Variants in GRAMD1B observed in about 807,000 individuals in gnomAD.
GRAMD1B encodes the protein GRAM domain containing 1B.
A neutral mutation model predicts 99.7 loss-of-function variants in GRAMD1B; 37 were observed. The observed-to-expected ratio is 0.37, with a 90% CI of 0.29 to 0.49. GRAMD1B has a LOEUF of 0.49. Among genes scored for constraint, GRAMD1B ranks in the 20% least tolerant of loss-of-function variants. The pLI is 0.98. For synonymous variants in GRAMD1B, 427 were observed against 387.6 expected, an observed-to-expected ratio of 1.10 and a Z score of -1.19; for missense variants, 888 against 1,009.2, an observed-to-expected ratio of 0.88 and a Z score of 1.63.
chr11:123,580,243 C>T (rs1949200987), intron 3 of GRAMD1B, among the ~76,000 whole-genome samples: 1 of 152,140 alleles, frequency 6.6e-6, no homozygotes, highest in African/African-American at 2.4e-5. Context: ...AACACAAGAA[C>T]CAGTAGGGGA....
chr11:123,603,586 G>C, intron 9 of GRAMD1B, 45 bp downstream of exon 9: 1 of 1,132,090 alleles, frequency 8.8e-7, no homozygotes. Context: ...CCGTGCGAGT[G>C]CCTGCAGGAA....
intron 1 of GRAMD1B, among the ~76,000 whole-genome samples, chr11:123,439,619 C>T (rs865869476): frequency 3.3e-5 from 5 of 152,108 alleles, no homozygotes; most frequent in Admixed American, 6.5e-5. Context: ...GATGAGACTC[C>T]GGTTCTCCAA....
chr11:123,466,373 A>AG (rs1491320042), intron 1 of GRAMD1B, among the ~76,000 whole-genome samples: 2 of 50,504 alleles, frequency 4.0e-5, no homozygotes, highest in African/African-American at 3.4e-4. Context: ...AAGGAAAAAG[A>AG]AAGAGAGAGA....
intron 2 of GRAMD1B, among the ~76,000 whole-genome samples, chr11:123,529,221 G>C (rs541197669): frequency 6.6e-6 from 1 of 152,278 alleles, no homozygotes; most frequent in African/African-American, 2.4e-5. Context: ...AGATAAGTGC[G>C]GTGAACAGCA....
chr11:123,614,643 T>C, intron 16 of GRAMD1B, 102 bp from the exon 17 acceptor site: 1 of 652,434 alleles, frequency 1.5e-6, no homozygotes. Context: ...CATGGACATT[T>C]TTCCATCAGT....
At chr11:123,578,258 C>T (rs1948951228) in intron 3 of GRAMD1B, among the ~76,000 whole-genome samples, 1 of 152,120 alleles carries the variant, frequency 6.6e-6, no homozygotes, top group African/African-American at 2.4e-5. Context: ...TTCTCTTCAC[C>T]CTGGGACCCC....
chr11:123,566,495 G>A (rs1041753232), intron 2 of GRAMD1B, among the ~76,000 whole-genome samples: 2 of 152,170 alleles, frequency 1.3e-5, no homozygotes, highest in African/African-American at 2.4e-5. Flanking sequence ...GGCCGAGCGC[G>A]GTGGCTCACG....
chr11:123,464,138 A>T (rs1361775622), intron 1 of GRAMD1B, among the ~76,000 whole-genome samples: 1 of 129,026 alleles, frequency 7.8e-6, no homozygotes, highest in East Asian at 2.0e-4. Context: ...CCCCATTTCT[A>T]AAAAAAAAAA....
chr11:123,413,822 C>T (rs923421908), intron 1 of GRAMD1B, among the ~76,000 whole-genome samples: 5 of 152,050 alleles, frequency 3.3e-5, no homozygotes, highest in African/African-American at 4.8e-5. Flanking sequence ...ATTGCATCTT[C>T]TGTAGCCCTT....
At chr11:123,594,286 G>C (rs544398876) in intron 5 of GRAMD1B, 120 bp downstream of exon 5, 88 of 731,300 alleles carry the variant, frequency 1.2e-4, no homozygotes, top group Non-Finnish European at 2.0e-4. Flanking sequence ...AACAGGGAGA[G>C]AGGCTGTCCA....
chr11:123,383,272 G>C (rs1018563236), intron 1 of GRAMD1B, among the ~76,000 whole-genome samples: 1 of 151,646 alleles, frequency 6.6e-6, no homozygotes, highest in Non-Finnish European at 1.5e-5. Flanking sequence ...CCTGTGGTAG[G>C]GAAGAACCTA....
chr11:123,432,107 A>G (rs1239723246), intron 1 of GRAMD1B: 1 of 398,488 alleles, frequency 2.5e-6, no homozygotes, highest in East Asian at 3.6e-5. Flanking sequence ...AATCTGTTCA[A>G]TTACATTGAT....
chr11:123,449,173 T>C (rs1277721759), intron 1 of GRAMD1B, among the ~76,000 whole-genome samples: 1 of 152,250 alleles, frequency 6.6e-6, no homozygotes, highest in Non-Finnish European at 1.5e-5. Context: ...TCATTATGTC[T>C]GTGTTTCTGA....
chr11:123,523,774 C>T (rs1163775030), intron 2 of GRAMD1B, among the ~76,000 whole-genome samples: 1 of 152,138 alleles, frequency 6.6e-6, no homozygotes, highest in Non-Finnish European at 1.5e-5. Context: ...TTATCTAGGT[C>T]ATAAAGGACA....
At chr11:123,579,834 C>A (rs1285890567) in intron 3 of GRAMD1B, among the ~76,000 whole-genome samples, 1 of 152,068 alleles carries the variant, frequency 6.6e-6, no homozygotes, top group Non-Finnish European at 1.5e-5. Flanking sequence ...GCGTCAGGGA[C>A]CAGGTAGAAT....
At chr11:123,377,782 A>G (rs1161158975) in intron 1 of GRAMD1B, among the ~76,000 whole-genome samples, 1 of 152,230 alleles carries the variant, frequency 6.6e-6, no homozygotes, top group Non-Finnish European at 1.5e-5. Context: ...AAGACCCTGA[A>G]CTAGGAACTT....
rs1317735458 is a variant in GRAMD1B, at chr11:123,599,662, AG to A, written c.970-803del. Among the ~76,000 whole-genome samples, 4 of 152,314 alleles carry A rather than the reference AG, an allele frequency of 2.6e-5. No homozygotes were observed. In the East Asian group the frequency reaches 5.8e-4, roughly 22 times the overall value. On this transcript the variant is annotated intron_variant, in intron 7 of 19. Transcript: ENST00000635736. ...TAATTTTTGTATTTTTAGTAGAGGCAGGGTTTCGCCATGTTGGCCAGGCTGA... is the reference window on the plus strand; with the variant it reads ...TAATTTTTGTATTTTTAGTAGAGGCAGGTTTCGCCATGTTGGCCAGGCTGA...
At chr11:123,502,652 G>A (rs146751325) in intron 2 of GRAMD1B, among the ~76,000 whole-genome samples, 4,275 of 152,012 alleles carry the variant, frequency 0.028, 203 homozygotes, top group African/African-American at 0.097. Flanking sequence ...GTGCGTGCCT[G>A]TAATCCCAGC....
chr11:123,444,209 A>C (rs1380350847), intron 1 of GRAMD1B, among the ~76,000 whole-genome samples: 2 of 152,218 alleles, frequency 1.3e-5, no homozygotes, highest in Admixed American at 1.3e-4. Flanking sequence ...GCCATTTCAA[A>C]ATATAACAAA....
Sources: allele counts gnomAD v4.1 joint callset (sites outside exome capture counted in the v4.1 genomes callset), GRCh38; gene constraint gnomAD v4.1.1; transcripts MANE v1.5; gene names NCBI Gene and HGNC (gene_info 2026-07-23, HGNC 2026-07-21).